WHRN: variants seen among roughly 807,000 people sequenced by gnomAD.
The protein encoded by WHRN is CASK-interacting protein CIP98.
In WHRN, 41 loss-of-function variants were observed where a neutral mutation model predicts 68.3. The ratio of observed to expected loss-of-function variants is 0.60; its 90% CI spans 0.47 to 0.78. WHRN has a LOEUF of 0.78. WHRN is among the 30% of genes least tolerant of loss of function. WHRN has a pLI of 0.00. For missense variants in WHRN, 1,243 were observed against 1,244.7 expected (o/e 1.00, Z 0.02); for synonymous variants, 560 against 561.3 (o/e 1.00, Z 0.03).
chr9:114,427,901 A>G, intron 3 of WHRN, among the ~76,000 whole-genome samples: 1 of 152,178 alleles, frequency 6.6e-6, no homozygotes, highest in South Asian at 2.1e-4. Context: ...TGTTGTGCTG[A>G]GCAGGATAAT....
intron 7 of WHRN, among the ~76,000 whole-genome samples, chr9:114,411,893 T>C (rs1075560): frequency 0.22 from 33,348 of 152,084 alleles, 3,847 homozygotes; most frequent in Middle Eastern, 0.31. Context: ...ACCCCAGAAA[T>C]GAACAGGGCC....
At chr9:114,412,002 A>G (rs984084490) in intron 7 of WHRN, among the ~76,000 whole-genome samples, 1 of 152,162 alleles carries the variant, frequency 6.6e-6, no homozygotes, top group African/African-American at 2.4e-5. Flanking sequence ...ATTCCCTGCT[A>G]CTAACTGCAT....
intron 3 of WHRN, among the ~76,000 whole-genome samples, chr9:114,455,036 C>T (rs1839657381): frequency 6.6e-6 from 1 of 152,116 alleles, no homozygotes; most frequent in Admixed American, 6.6e-5. Flanking sequence ...CAATCTCACA[C>T]TTTATATGAG....
intron 3 of WHRN, among the ~76,000 whole-genome samples, chr9:114,441,678 G>A (rs1838386344): frequency 6.6e-6 from 1 of 152,176 alleles, no homozygotes; most frequent in Non-Finnish European, 1.5e-5. Flanking sequence ...AGTAAATAAT[G>A]CCAATCATAA....
chr9:114,485,870 C>T (rs1842437753), intron 1 of WHRN, among the ~76,000 whole-genome samples: 1 of 151,772 alleles, frequency 6.6e-6, no homozygotes, highest in Non-Finnish European at 1.5e-5. Flanking sequence ...TAAAATTATC[C>T]AGGCATAATG....
At chr9:114,437,619 TAAGAAG>T (rs1476508714) in intron 3 of WHRN, among the ~76,000 whole-genome samples, 1 of 152,178 alleles carries the variant, frequency 6.6e-6, no homozygotes, top group Non-Finnish European at 1.5e-5. Flanking sequence ...GTGCCCTTTA[TAAGAAG>T]AACAAGAGAC....
chr9:114,456,232 T>G (rs1365294080), intron 3 of WHRN, among the ~76,000 whole-genome samples: 1 of 151,986 alleles, frequency 6.6e-6, no homozygotes, highest in Non-Finnish European at 1.5e-5. Context: ...ATTTGTCAAA[T>G]TCGTAGAACT....
At position 114,402,790 on chromosome 9, in the gene WHRN, A is replaced by C; in HGVS notation, c.2688T>G (p.Ile896Met). ...EAFKTKDRDYIDFLVTEFNVM... is the reference protein window; with the variant it reads ...EAFKTKDRDYMDFLVTEFNVM... Reference sequence around the variant, plus strand: ...CATTGAACTCAGTGACCAGAAAGTCAATGTAGTCACGGTCCTTAGTCTTGA... The same window carrying C: ...CATTGAACTCAGTGACCAGAAAGTCCATGTAGTCACGGTCCTTAGTCTTGA... Residue 896 changes from isoleucine (I) to methionine (M), a missense_variant, in exon 12 of 12, where the codon ATT (isoleucine) becomes ATG (methionine). By Grantham distance (10) the Ile-to-Met change is conservative. Coordinates refer to ENST00000362057, the MANE Select transcript of WHRN (RefSeq NM_015404.4). 6.2e-7 allele frequency: 1 copy of C among 1,614,098 alleles called. No homozygotes were observed. Among genetic ancestry groups the C allele is most frequent in the Non-Finnish European group, 8.5e-7 (1 of 1,180,048 alleles).
intron 3 of WHRN, among the ~76,000 whole-genome samples, chr9:114,451,845 G>A (rs1839366374): frequency 6.6e-6 from 1 of 152,204 alleles, no homozygotes; most frequent in Non-Finnish European, 1.5e-5. Flanking sequence ...CCTATTAACT[G>A]TGTGACCTTG....
At chr9:114,482,349 G>A (rs572365061) in intron 1 of WHRN, among the ~76,000 whole-genome samples, 4 of 152,336 alleles carry the variant, frequency 2.6e-5, no homozygotes, top group African/African-American at 9.6e-5. Flanking sequence ...CTCAGGTCAG[G>A]AACAGAGGAG....
At chr9:114,412,653 T>C (rs1320742921) in intron 7 of WHRN, among the ~76,000 whole-genome samples, 2 of 152,380 alleles carry the variant, frequency 1.3e-5, no homozygotes, top group Admixed American at 6.5e-5. Flanking sequence ...CTCAAACCTG[T>C]GGCAGTTCAG....
chr9:114,435,744 G>C (rs1837795432), intron 3 of WHRN, among the ~76,000 whole-genome samples: 2 of 152,136 alleles, frequency 1.3e-5, no homozygotes, highest in Non-Finnish European at 2.9e-5. Context: ...AGCCTTCACA[G>C]ACACAAACAG....
intron 3 of WHRN, among the ~76,000 whole-genome samples, chr9:114,429,777 C>A (rs971370837): frequency 6.6e-6 from 1 of 152,212 alleles, no homozygotes; most frequent in African/African-American, 2.4e-5. Flanking sequence ...TCTCTCCCAG[C>A]TGGCTTTCGC....
chr9:114,461,040 T>C (rs577329931), intron 3 of WHRN, among the ~76,000 whole-genome samples: 18 of 152,342 alleles, frequency 1.2e-4, no homozygotes, highest in African/African-American at 4.3e-4. Flanking sequence ...TAAAATGCTT[T>C]ACTGCGGAGG....
intron 4 of WHRN, 31 bp from the exon 5 acceptor site, chr9:114,425,055 G>T (rs1032951653): frequency 6.2e-7 from 1 of 1,613,396 alleles, no homozygotes; most frequent in African/African-American, 1.3e-5. Context: ...CTCCAGTTGT[G>T]CATTTGAGCA....
At chr9:114,496,869 T>G (rs893447464) in intron 1 of WHRN, among the ~76,000 whole-genome samples, 5 of 152,218 alleles carry the variant, frequency 3.3e-5, no homozygotes, top group African/African-American at 9.6e-5. Context: ...AGTACGTCAG[T>G]TGACCTTACA....
rs1844280039 is a variant in WHRN at position 114,504,986 on chromosome 9, G to A, written c.-185C>T. ...TCGCGGAGACCGCTGCTAGAGTCCCGGAGGCGCGAAGACGGCGGGGGTCGC... is the reference window on the plus strand; with the variant it reads ...TCGCGGAGACCGCTGCTAGAGTCCCAGAGGCGCGAAGACGGCGGGGGTCGC... On this transcript the variant is annotated 5_prime_UTR_variant, in exon 1 of 12. Coordinates refer to ENST00000362057, the MANE Select transcript of WHRN (RefSeq NM_015404.4). The A allele has an allele frequency of 1.1e-6, 1 of 890,496 alleles. No individual in the cohort carries two copies. Among genetic ancestry groups the A allele is most frequent in the Non-Finnish European group, 1.5e-6 (1 of 667,048 alleles). 55.2% of individuals were successfully genotyped at this position (890,496 alleles called of 1,614,324 possible).
chr9:114,428,636 C>CTGCCCGGAGCGCTGTT (rs1433114566), intron 3 of WHRN, among the ~76,000 whole-genome samples: 2 of 152,190 alleles, frequency 1.3e-5, no homozygotes, highest in African/African-American at 2.4e-5. Flanking sequence ...TGCTGGGCTG[C>CTGCCCGGAGCGCTGTT]TGCCCGGAGC....
intron 7 of WHRN, among the ~76,000 whole-genome samples, chr9:114,412,361 T>A (rs1163026341): frequency 1.3e-5 from 2 of 151,906 alleles, no homozygotes; most frequent in African/African-American, 4.8e-5. Flanking sequence ...CCACACACAA[T>A]CACAGCCACC....
Sources: gnomAD v4.1 joint callset for allele counts (sites outside exome capture counted in the v4.1 genomes callset) on GRCh38, gnomAD v4.1.1 for gene constraint, MANE v1.5 for transcripts, NCBI Gene and HGNC (gene_info 2026-07-23, HGNC 2026-07-21) for gene names.